Variants in FAF1 observed in about 807,000 individuals in gnomAD.
The protein encoded by FAF1 is FAS-associated factor 1.
A neutral mutation model predicts 92.5 loss-of-function variants in FAF1; 25 were observed. The ratio of observed to expected loss-of-function variants is 0.27; its 90% CI spans 0.20 to 0.38. The LOEUF (loss-of-function observed/expected upper bound fraction) is 0.38. FAF1 is among the 10% of genes least tolerant of loss of function. The pLI is 1.00. For synonymous variants in FAF1, 234 were observed against 273.2 expected (o/e 0.86, Z 1.42); for missense variants, 636 against 793.3 (o/e 0.80, Z 2.38).
intron 2 of FAF1, among the ~76,000 whole-genome samples, chr1:50,821,338 T>A (rs112309008): frequency 0.013 from 1,943 of 152,266 alleles, 36 homozygotes; most frequent in African/African-American, 0.043. Flanking sequence ...AGAAATCATA[T>A]TTTTTTACAG....
chr1:50,715,133 A>G (rs1658118863), intron 6 of FAF1: 1 of 256,772 alleles, frequency 3.9e-6, no homozygotes, highest in Non-Finnish European at 8.1e-6. Context: ...GACTGAAGTT[A>G]ATGTTCAAAA....
At chr1:50,854,800 G>T (rs574921195) in intron 2 of FAF1, among the ~76,000 whole-genome samples, 1 of 151,622 alleles carries the variant, frequency 6.6e-6, no homozygotes, top group African/African-American at 2.4e-5. Flanking sequence ...TGCAATCACC[G>T]TTTTTTTAGG....
At chr1:50,463,269 TTC>T (rs1428494585) in intron 18 of FAF1, among the ~76,000 whole-genome samples, 1 of 152,194 alleles carries the variant, frequency 6.6e-6, no homozygotes, top group African/African-American at 2.4e-5. Flanking sequence ...TCCTGTATGA[TTC>T]CATCGAGAGG....
intron 8 of FAF1, among the ~76,000 whole-genome samples, chr1:50,602,787 C>T (rs1277782499): frequency 6.6e-6 from 1 of 152,090 alleles, no homozygotes; most frequent in Non-Finnish European, 1.5e-5. Flanking sequence ...CAGATAGGAG[C>T]CACCTCACCC....
At chr1:50,601,218 GA>G (rs938112720) in intron 8 of FAF1, among the ~76,000 whole-genome samples, 10 of 152,074 alleles carry the variant, frequency 6.6e-5, no homozygotes, top group African/African-American at 2.4e-4. Context: ...TTCTTCACAT[GA>G]AAATAAAATA....
chr1:50,921,361 T>C (rs992312415), intron 1 of FAF1, among the ~76,000 whole-genome samples: 2 of 152,234 alleles, frequency 1.3e-5, no homozygotes, highest in Non-Finnish European at 2.9e-5. Context: ...TGACACCTCC[T>C]GCCTGTCACC....
At chr1:50,605,936 C>A (rs1415302985) in intron 8 of FAF1, among the ~76,000 whole-genome samples, 6 of 152,144 alleles carry the variant, frequency 3.9e-5, no homozygotes, top group African/African-American at 1.4e-4. Flanking sequence ...GGCCTTGGAG[C>A]CAGGCTTTGA....
intron 17 of FAF1, among the ~76,000 whole-genome samples, chr1:50,486,609 T>C (rs1392728971): frequency 6.6e-6 from 1 of 152,074 alleles, no homozygotes; most frequent in African/African-American, 2.4e-5. Context: ...CAAATAAACA[T>C]CCTGTGCTAT....
intron 7 of FAF1, among the ~76,000 whole-genome samples, chr1:50,669,148 T>A (rs916036814): frequency 6.6e-6 from 1 of 152,184 alleles, no homozygotes; most frequent in East Asian, 1.9e-4. Context: ...CTTCCTCCCA[T>A]GCCTAAATTC....
intron 17 of FAF1, among the ~76,000 whole-genome samples, chr1:50,485,189 A>G (rs997097989): frequency 2.6e-5 from 4 of 151,890 alleles, no homozygotes; most frequent in African/African-American, 9.7e-5. Flanking sequence ...TTGAACTCCT[A>G]GGCTCAACTG....
intron 18 of FAF1, among the ~76,000 whole-genome samples, chr1:50,458,004 G>A (rs774868045): frequency 1.3e-5 from 2 of 151,644 alleles, no homozygotes; most frequent in Non-Finnish European, 2.9e-5. Flanking sequence ...ATCTGAGGTC[G>A]GGAGTTCAAA....
chr1:50,716,801 G>A (rs1658195173), intron 6 of FAF1, among the ~76,000 whole-genome samples: 1 of 152,172 alleles, frequency 6.6e-6, no homozygotes. Flanking sequence ...AGCAGGATGT[G>A]GGCAGAGACA....
At chr1:50,919,771 C>T (rs530310861) in intron 1 of FAF1, among the ~76,000 whole-genome samples, 9 of 152,104 alleles carry the variant, frequency 5.9e-5, no homozygotes, top group African/African-American at 2.2e-4. Context: ...CCGCACCCAG[C>T]CGAAGAATAT....
At chr1:50,691,902 A>G (rs1452684787) in intron 7 of FAF1, among the ~76,000 whole-genome samples, 1 of 152,236 alleles carries the variant, frequency 6.6e-6, no homozygotes, top group Admixed American at 6.5e-5. Flanking sequence ...TGTATACACT[A>G]TGAAATGATT....
At chr1:50,734,052 C>T (rs1299053138) in intron 6 of FAF1, among the ~76,000 whole-genome samples, 2 of 152,228 alleles carry the variant, frequency 1.3e-5, no homozygotes, top group Non-Finnish European at 2.9e-5. Context: ...TCACCTCGGC[C>T]TCTCAAAGTG....
At chr1:50,658,693 G>C (rs1196635014) in intron 7 of FAF1, among the ~76,000 whole-genome samples, 2 of 152,192 alleles carry the variant, frequency 1.3e-5, no homozygotes, top group African/African-American at 4.8e-5. Context: ...TAAGCAACTT[G>C]TCATAGAATA....
Position 50,475,690 on chromosome 1 carries a change from C to CA in FAF1, c.1654-12dup. ...GGACAGCCGGATGGCCTAGGGAGAG[C>CA]AAAAACCAGGTGTTAAAATGTGAGA... On this transcript the variant is annotated splice_polypyrimidine_tract_variant and intron_variant, in intron 17 of 18. Transcript: ENST00000396153. The CA allele has an allele frequency of 6.3e-7, 1 of 1,590,010 alleles. No homozygotes were observed. The highest frequency in any genetic ancestry group is 8.6e-7 in the Non-Finnish European group (1 of 1,165,142).
intron 15 of FAF1, among the ~76,000 whole-genome samples, chr1:50,503,036 G>A (rs142318499): frequency 1.3e-5 from 2 of 151,852 alleles, no homozygotes; most frequent in African/African-American, 2.4e-5. Flanking sequence ...ATGGGGTCTC[G>A]CTATGTTGTT....
chr1:50,485,615 T>C (rs1646755664), intron 17 of FAF1, among the ~76,000 whole-genome samples: 1 of 141,318 alleles, frequency 7.1e-6, no homozygotes, highest in African/African-American at 2.8e-5. Flanking sequence ...TGAGCCGAGA[T>C]TGTGCTACTG....
Sources: gnomAD v4.1 joint callset for allele counts (sites outside exome capture counted in the v4.1 genomes callset) on GRCh38, gnomAD v4.1.1 for gene constraint, MANE v1.5 for transcripts, NCBI Gene and HGNC (gene_info 2026-07-23, HGNC 2026-07-21) for gene names.